ALDOC: variants seen among roughly 807,000 people sequenced by gnomAD.
ALDOC encodes fructose-bisphosphate aldolase C.
In ALDOC, 23 loss-of-function variants were observed where a neutral mutation model predicts 39.5. The ratio of observed to expected loss-of-function variants is 0.58; its 90% CI spans 0.42 to 0.82. The LOEUF is 0.82. Ranked by LOEUF, ALDOC falls within the 40% of genes least tolerant of loss-of-function variation. The pLI is 0.00. For synonymous variants in ALDOC, 160 were observed against 182.6 expected, an observed-to-expected ratio of 0.88 and a Z score of 1.00; for missense variants, 356 against 479.1, an observed-to-expected ratio of 0.74 and a Z score of 2.40.
Position 28,575,402 on chromosome 17 carries a change from G to A in ALDOC, c.112+19C>T, listed in dbSNP as rs770933944. 1.2e-6 allele frequency: 2 copies of A among 1,614,206 alleles called. No homozygotes were observed. The highest frequency in any genetic ancestry group is 1.7e-6 in the Non-Finnish European group (2 of 1,180,028). ...CCCCTAGCCACCTGTACCCTACCTG[G>A]CTACAGATGTCCACTTACCTACAGA... On this transcript the variant is annotated intron_variant, in intron 2 of 8. Transcript: ENST00000226253. The surrounding 1 kb of genome is among the most constrained non-coding windows in gnomAD (Gnocchi z 4.3).
rs1265633730 is a variant in ALDOC at position 28,573,408 on chromosome 17, A to G, written c.*118T>C. On this transcript the variant is annotated 3_prime_UTR_variant, in exon 9 of 9. Coordinates refer to ENST00000226253, the MANE Select transcript of ALDOC (RefSeq NM_005165.3). This position sits in a 1 kb window ranked among gnomAD's most constrained non-coding sequence, Gnocchi z 4.3. Reference sequence around the variant, plus strand: ...AGGGGAAGGGAAGAGAGAAAGGAAGACAAGTTGGTGCCAGGTGAAGGCATC... The same window carrying G: ...AGGGGAAGGGAAGAGAGAAAGGAAGGCAAGTTGGTGCCAGGTGAAGGCATC... The G allele has an allele frequency of 1.1e-6, 1 of 879,882 alleles. No homozygotes were observed. The highest frequency in any genetic ancestry group is 1.6e-5 in the African/African-American group (1 of 61,258). The allele number at this position is 879,882 out of a possible 1,614,324, so 54.5% of individuals were successfully genotyped here.
At chr17:28,576,611 A>G (rs2070494665) in intron 1 of ALDOC, among the ~76,000 whole-genome samples, 190 bp downstream of exon 1, 1 of 151,186 alleles carries the variant, frequency 6.6e-6, no homozygotes, top group Admixed American at 6.6e-5. Context: ...TCCAGCTGGG[A>G]GAGCTGAAGA....
chr17:28,574,086 A>G lies in ALDOC; in HGVS notation c.780T>C (p.Thr260=), dbSNP rs74902288. 1.3e-6 allele frequency: 2 copies of G among 1,597,592 alleles called. No homozygotes were observed. Among genetic ancestry groups the G allele is most frequent in the African/African-American group, 2.7e-5 (2 of 74,748 alleles). The change falls in exon 7 of 9, where the codon ACT becomes ACC. Residue 260 remains threonine, a synonymous_variant. Coordinates refer to ENST00000226253, the MANE Select transcript of ALDOC (RefSeq NM_005165.3). ...AMATVTALRR[T]VPPAVPGVTF... ...TAGTACCTGGGACAGCTGGGGGCAC[A>G]GTGCGACGCAGGGCAGTGACAGTTG...
Position 28,573,494 on chromosome 17 carries a change from C to T in ALDOC, c.*32G>A, listed in dbSNP as rs1213486161. 6.2e-7 allele frequency: 1 copy of T among 1,607,906 alleles called. No homozygotes were observed. Among genetic ancestry groups the T allele is most frequent in the African/African-American group, 1.3e-5 (1 of 74,838 alleles). ...TACAAGCAAAAGTGGGTGCAGATGGCTGGGCCAAGGGCTGTGGTATGGAGT... is the reference window on the plus strand; with the variant it reads ...TACAAGCAAAAGTGGGTGCAGATGGTTGGGCCAAGGGCTGTGGTATGGAGT... On this transcript the variant is annotated 3_prime_UTR_variant, in exon 9 of 9. Transcript: ENST00000226253. The surrounding 1 kb of genome is among the most constrained non-coding windows in gnomAD (Gnocchi z 4.3).
At chr17:28,574,041 G>T (rs1253175741) in intron 7 of ALDOC, 26 bp downstream of exon 7, 1 of 1,596,812 alleles carries the variant, frequency 6.3e-7, no homozygotes, top group East Asian at 2.2e-5. Context: ...TTAGGGATAG[G>T]AGCAGGTTAG....
Position 28,573,669 on chromosome 17 carries a change from C to A in ALDOC, c.1000-48G>T. 6.2e-7 allele frequency: 1 copy of A among 1,613,744 alleles called. No individual in the cohort carries two copies. The highest frequency in any genetic ancestry group is 1.1e-5 in the South Asian group (1 of 91,074). On this transcript the variant is annotated intron_variant, in intron 8 of 8. Transcript: ENST00000226253. The surrounding 1 kb of genome is among the most constrained non-coding windows in gnomAD (Gnocchi z 4.3). ...AGCAGGCTGAGCCAGCCCACAGGTG[C>A]CAAGCCCTGCCCAGGCTATAGCCTC...
At position 28,574,682 on chromosome 17, in the gene ALDOC, C is replaced by T. The variant is rs753648020; in HGVS notation, c.540+14G>A. On this transcript the variant is annotated intron_variant, in intron 5 of 8. Coordinates refer to ENST00000226253, the MANE Select transcript of ALDOC (RefSeq NM_005165.3). ...TACAGGGCACCTAGCTCACCACCCT[C>T]CCAACACACACACCTGCTGGCAGAT... 1 of 1,614,110 alleles carries T rather than the reference C, an allele frequency of 6.2e-7. No homozygotes were observed. The highest frequency in any genetic ancestry group is 1.6e-4 in the Middle Eastern group (1 of 6,062).
Position 28,574,768 on chromosome 17 carries a change from C to T in ALDOC, c.468G>A (p.Glu156=), listed in dbSNP as rs766028700. ...AKWRCVLKIS[E]RTPSALAILE... ...GAATGGCAAGTGCAGAGGGTGTACG[C>T]TCACTGATTTTCAGCACACAGCGCC... The change falls in exon 5 of 9, where the codon GAG becomes GAA. Residue 156 remains glutamate, a synonymous_variant. Coordinates refer to ENST00000226253, the MANE Select transcript of ALDOC (RefSeq NM_005165.3). 3.1e-6 allele frequency: 5 copies of T among 1,614,218 alleles called. No individual in the cohort carries two copies. The South Asian group carries it at 5.5e-5, about 18-fold the overall frequency.
At chr17:28,576,392 T>G (rs1357306663) in intron 1 of ALDOC, 2 of 152,382 alleles carry the variant, frequency 1.3e-5, no homozygotes, top group Non-Finnish European at 2.9e-5. Context: ...GAGAGAGAGA[T>G]GAGACTGAGG....
intron 6 of ALDOC, 91 bp from the exon 7 acceptor site, chr17:28,574,332 CTG>C (rs2070461483): frequency 6.9e-7 from 1 of 1,458,282 alleles, no homozygotes; most frequent in Admixed American, 1.8e-5. Context: ...TGGGCACAGA[CTG>C]TGAGGGCTCA....
rs1597591170 is a variant in ALDOC, at chr17:28,575,693, C to T, written c.-12-149G>A. 2.1e-6 allele frequency: 2 copies of T among 959,152 alleles called. No individual in the cohort carries two copies. The highest frequency in any genetic ancestry group is 3.0e-6 in the Non-Finnish European group (2 of 666,296). The allele number at this position is 959,152 out of a possible 1,614,324, so 59.4% of individuals were successfully genotyped here. On this transcript the variant is annotated intron_variant, in intron 1 of 8. Coordinates refer to ENST00000226253, the MANE Select transcript of ALDOC (RefSeq NM_005165.3). This position sits in a 1 kb window ranked among gnomAD's most constrained non-coding sequence, Gnocchi z 4.3. ...TCCTGGGCATCAAGTGGCACCAGTCCTTCTGACAGCTAGCAAGCTTAGGGC... is the reference window on the plus strand; with the variant it reads ...TCCTGGGCATCAAGTGGCACCAGTCTTTCTGACAGCTAGCAAGCTTAGGGC...
In ALDOC at chr17:28,575,092, C is replaced by T. The variant is rs2070470865; in HGVS notation, c.324+31G>A. ...TACACAAGCTTATTTTCACACCCAG[C>T]TTCCATTCAGAGCAGGGCCAGGGGC... On this transcript the variant is annotated intron_variant, in intron 3 of 8. Transcript: ENST00000226253. This position sits in a 1 kb window ranked among gnomAD's most constrained non-coding sequence, Gnocchi z 4.3. 6.2e-7 allele frequency: 1 copy of T among 1,614,128 alleles called. No homozygotes were observed. The highest frequency in any genetic ancestry group is 1.7e-5 in the Admixed American group (1 of 60,020).
rs1484339189 is a variant in ALDOC at position 28,576,890 on chromosome 17, G to A, written c.-102C>T. 1.0e-6 allele frequency: 1 copy of A among 985,522 alleles called. No homozygotes were observed. The highest frequency in any genetic ancestry group is 1.7e-5 in the African/African-American group (1 of 57,362). 61.0% of individuals were successfully genotyped at this position (985,522 alleles called of 1,614,324 possible). A position where few individuals can be genotyped will look rare whatever the true frequency, so the allele number is the denominator to read the frequency against. On this transcript the variant is annotated 5_prime_UTR_variant, in exon 1 of 9. Transcript: ENST00000226253. ...GAGGCTGCAGCCCTGGCTCCCTCTG[G>A]TAAATGAGGCTGCGGATGTCGCAGA...
rs1160896683 is a variant in ALDOC, at chr17:28,573,275, A to AG, written c.*250dup. The AG allele has an allele frequency of 1.8e-6, 1 of 555,568 alleles. No homozygotes were observed. Among genetic ancestry groups the AG allele is most frequent in the East Asian group, 3.1e-5 (1 of 32,454 alleles). The allele number at this position is 555,568 out of a possible 1,614,324, so 34.4% of individuals were successfully genotyped here. A position where few individuals can be genotyped will look rare whatever the true frequency, so the allele number is the denominator to read the frequency against. ...GAAAATTGTGGGAGCTGGAAGAGGT[A>AG]GGGGGAGACCCAGCCATCCTGTTCT... On this transcript the variant is annotated 3_prime_UTR_variant, in exon 9 of 9. Coordinates refer to ENST00000226253, the MANE Select transcript of ALDOC (RefSeq NM_005165.3). The surrounding 1 kb of genome is among the most constrained non-coding windows in gnomAD (Gnocchi z 4.3).
intron 6 of ALDOC, 58 bp from the exon 7 acceptor site, chr17:28,574,299 G>C: frequency 6.5e-7 from 1 of 1,533,744 alleles, no homozygotes; most frequent in South Asian, 1.2e-5. Flanking sequence ...GTTACTGCTC[G>C]ATGCTCCCTA....
chr17:28,573,808 G>T lies in ALDOC; in HGVS notation c.926C>A (p.Ser309Tyr). The change falls in exon 8 of 9, where the codon TCT (serine) becomes TAT (tyrosine). Residue 309 changes from serine (S) to tyrosine (Y), a missense_variant. Ser to Tyr is a moderately radical substitution (Grantham distance 144). Coordinates refer to ENST00000226253, the MANE Select transcript of ALDOC (RefSeq NM_005165.3). The surrounding 1 kb of genome is among the most constrained non-coding windows in gnomAD (Gnocchi z 4.3). The stretch of plus-strand genomic sequence containing the variant: ...TTGCCCTCGCCAGGCATTGAGTGCA[G>T]AGGCTTGCAGGGCACGCCCATAGGA... The part of the protein sequence containing the change: ...TFSYGRALQA[S>Y]ALNAWRGQRD... The T allele has an allele frequency of 6.2e-7, 1 of 1,614,256 alleles. No homozygotes were observed. The highest frequency in any genetic ancestry group is 1.1e-5 in the South Asian group (1 of 91,090).
chr17:28,574,443 T>C, intron 6 of ALDOC, 51 bp downstream of exon 6: 1 of 1,584,678 alleles, frequency 6.3e-7, no homozygotes, highest in Non-Finnish European at 8.7e-7. Flanking sequence ...GAACAGACAC[T>C]CCTGCCGAGC....
chr17:28,574,955 G>A lies in ALDOC; in HGVS notation c.376C>T (p.Gln126Ter). 4 of 1,614,136 alleles carry A rather than the reference G, an allele frequency of 2.5e-6. No homozygotes were observed. The highest frequency in any genetic ancestry group is 2.5e-6 in the Non-Finnish European group (3 of 1,180,038). Residue 126 changes from glutamine to a stop codon, truncating the protein, a stop_gained, in exon 4 of 9, where the codon CAA (glutamine) becomes TAA (stop). Transcript: ENST00000226253. LOFTEE classifies it high-confidence loss of function. ...CTCAAGCCCACCCATCCTATACCTT[G>A]AGTGGTGGTTTCTCCATCAGTCCCA... The part of the protein sequence containing the change: ...LAGTDGETTT[Q>*]GLDGLSERCA...
In ALDOC at chr17:28,573,734, C is replaced by A; in HGVS notation, c.999+1G>T. 1 of 1,614,190 alleles carries A rather than the reference C, an allele frequency of 6.2e-7. No individual in the cohort carries two copies. On this transcript the variant is annotated splice_donor_variant, in intron 8 of 8. Transcript: ENST00000226253. LOFTEE classifies it high-confidence loss of function. This position sits in a 1 kb window ranked among gnomAD's most constrained non-coding sequence, Gnocchi z 4.3. The stretch of plus-strand genomic sequence containing the variant: ...ACCCACCACCACCTGTAGCTCCCAA[C>A]CTCAGCCCGCTTGATGAACTCCTCA...
Sources: gnomAD v4.1 joint callset for allele counts (sites outside exome capture counted in the v4.1 genomes callset) on GRCh38, gnomAD v4.1.1 for gene constraint, Gnocchi (gnomAD v3.1) non-coding constraint, MANE v1.5 for transcripts, NCBI Gene and HGNC (gene_info 2026-07-23, HGNC 2026-07-21) for gene names.